Variants in LDLRAD3 observed in about 807,000 individuals in gnomAD.
LDLRAD3 encodes low density lipoprotein receptor class A domain containing 3.
In LDLRAD3, 20 loss-of-function variants were observed where a neutral mutation model predicts 29.4. The ratio of observed to expected loss-of-function variants is 0.68; its 90% confidence interval spans 0.48 to 0.99. The LOEUF is 0.99. Ranked by LOEUF, LDLRAD3 falls within the 50% of genes least tolerant of loss-of-function variation. The pLI is 0.00. For synonymous variants in LDLRAD3, 157 were observed against 192.7 expected, an observed-to-expected ratio of 0.81 and a Z score of 1.53; for missense variants, 420 against 454.3, an observed-to-expected ratio of 0.92 and a Z score of 0.69.
chr11:36,036,170 C>CA lies in LDLRAD3; in HGVS notation c.116dup (p.Asn39LysfsTer12). On this transcript the variant is annotated frameshift_variant, in exon 2 of 6. Transcript: ENST00000315571. LOFTEE classifies it high-confidence loss of function. ...ACATACCAGGCAACTTCATGTGCAG[C>CA]AATGGACGGTGCATCCCGGGCGCCT... is the stretch of plus-strand genomic sequence containing the variant. The CA allele has an allele frequency of 5.0e-6, 8 of 1,614,182 alleles. No individual in the cohort carries two copies. The highest frequency in any genetic ancestry group is 6.8e-6 in the Non-Finnish European group (8 of 1,180,026).
At chr11:36,008,060 G>A (rs1043703970) in intron 1 of LDLRAD3, among the ~76,000 whole-genome samples, 1 of 152,154 alleles carries the variant, frequency 6.6e-6, no homozygotes, top group African/African-American at 2.4e-5. Flanking sequence ...GAGCAAATGA[G>A]TCTTTTGATT....
rs571905943 is a variant in LDLRAD3, at chr11:36,114,322, G to A, written c.454+15861G>A. Among the ~76,000 whole-genome samples the A allele has an allele frequency of 3.3e-5, 5 of 152,318 alleles. No individual in the cohort carries two copies. The South Asian group carries it at 1.0e-3, about 32-fold the overall frequency. On this transcript the variant is annotated intron_variant, in intron 4 of 5. Coordinates refer to ENST00000315571, the MANE Select transcript of LDLRAD3 (RefSeq NM_174902.4). The stretch of plus-strand genomic sequence containing the variant: ...TGCAACACTGTGCGGTGCCAACCGG[G>A]AGAAATCTGCCTATCGGGGCTGAGA...
At chr11:36,187,308 G>A (rs1231484294) in intron 4 of LDLRAD3, among the ~76,000 whole-genome samples, 4 of 152,094 alleles carry the variant, frequency 2.6e-5, no homozygotes, top group African/African-American at 9.7e-5. Flanking sequence ...GCATGATTTG[G>A]TGAAAATGCA....
At chr11:36,225,119 C>G (rs1284584449) in intron 4 of LDLRAD3, among the ~76,000 whole-genome samples, 1 of 152,164 alleles carries the variant, frequency 6.6e-6, no homozygotes, top group Non-Finnish European at 1.5e-5. Flanking sequence ...AAGCCCTTAG[C>G]CGATGCCAGG....
intron 1 of LDLRAD3, among the ~76,000 whole-genome samples, chr11:35,990,534 C>T (rs1851674891): frequency 6.6e-6 from 1 of 152,032 alleles, no homozygotes; most frequent in Non-Finnish European, 1.5e-5. Flanking sequence ...TCTCCTGCCT[C>T]AGCTTCCTGA....
At chr11:36,122,069 C>G (rs1216768709) in intron 4 of LDLRAD3, among the ~76,000 whole-genome samples, 1 of 152,166 alleles carries the variant, frequency 6.6e-6, no homozygotes, top group Non-Finnish European at 1.5e-5. Flanking sequence ...ATGGCAGAGC[C>G]AGGATTCGAA....
At chr11:36,088,473 T>C (rs917938527) in intron 3 of LDLRAD3, among the ~76,000 whole-genome samples, 4 of 152,150 alleles carry the variant, frequency 2.6e-5, no homozygotes, top group Non-Finnish European at 4.4e-5. Context: ...CTGGACTGTA[T>C]CTCTCCACTG....
chr11:35,996,108 G>A (rs953240286), intron 1 of LDLRAD3, among the ~76,000 whole-genome samples: 5 of 152,194 alleles, frequency 3.3e-5, no homozygotes, highest in Non-Finnish European at 5.9e-5. Flanking sequence ...GGCCCAAGAG[G>A]CCTGGCTTTC....
At chr11:36,054,824 G>C (rs1852584825) in intron 2 of LDLRAD3, among the ~76,000 whole-genome samples, 1 of 135,790 alleles carries the variant, frequency 7.4e-6, no homozygotes, top group South Asian at 2.6e-4. Context: ...TGGATGGATA[G>C]GTGGATGGAT....
chr11:36,047,390 C>T (rs554016318), intron 2 of LDLRAD3, among the ~76,000 whole-genome samples: 12 of 152,274 alleles, frequency 7.9e-5, no homozygotes, highest in African/African-American at 2.4e-4. Context: ...TTCCGAGACA[C>T]ACATTTTTTC....
chr11:36,085,557 G>A (rs764133266), intron 3 of LDLRAD3, among the ~76,000 whole-genome samples: 6 of 152,024 alleles, frequency 3.9e-5, no homozygotes, highest in Non-Finnish European at 8.8e-5. Context: ...TGACAACAAT[G>A]TTAGATCTGT....
intron 4 of LDLRAD3, among the ~76,000 whole-genome samples, chr11:36,181,550 TG>T (rs1854763745): frequency 6.6e-6 from 1 of 152,178 alleles, no homozygotes; most frequent in Non-Finnish European, 1.5e-5. Flanking sequence ...AGACCGTCCC[TG>T]GGAACAAGCA....
intron 4 of LDLRAD3, among the ~76,000 whole-genome samples, chr11:36,145,729 C>T (rs147670229): frequency 0.033 from 5,040 of 150,920 alleles, 282 homozygotes; most frequent in African/African-American, 0.12. Flanking sequence ...CTCTCTGAAA[C>T]ATGTGCTGTG....
chr11:36,194,156 T>G (rs1177997764), intron 4 of LDLRAD3, among the ~76,000 whole-genome samples: 1 of 151,924 alleles, frequency 6.6e-6, no homozygotes, highest in East Asian at 1.9e-4. Flanking sequence ...AGGGCCCGGA[T>G]GTTTTGTCTG....
intron 2 of LDLRAD3, among the ~76,000 whole-genome samples, chr11:36,061,978 T>TA (rs571129020): frequency 1.9e-3 from 275 of 143,702 alleles, no homozygotes; most frequent in Middle Eastern, 3.6e-3. Flanking sequence ...TTTGGGAACT[T>TA]AAAAAAAAAA....
At position 36,214,463 on chromosome 11, in the gene LDLRAD3, G is replaced by A. The variant is rs190369043; in HGVS notation, c.455-12622G>A. Among the ~76,000 whole-genome samples the A allele has an allele frequency of 2.4e-4, 37 of 152,334 alleles. 1 individual carries two copies. The highest frequency in any genetic ancestry group is 3.5e-4 in the Non-Finnish European group (24 of 68,028). ...GTTACATTGATCCCACCTCATTTGT[G>A]AGAAGGAAGATTCTAGAAGGATGAG... is the stretch of plus-strand genomic sequence containing the variant. On this transcript the variant is annotated intron_variant, in intron 4 of 5. Transcript: ENST00000315571.
chr11:36,033,932 G>A (rs1172347471), intron 1 of LDLRAD3, among the ~76,000 whole-genome samples: 1 of 152,200 alleles, frequency 6.6e-6, no homozygotes, highest in Non-Finnish European at 1.5e-5. Flanking sequence ...AGAAATTGCA[G>A]CAGAATAGGA....
chr11:36,150,410 C>T (rs1854261221), intron 4 of LDLRAD3, among the ~76,000 whole-genome samples: 1 of 152,068 alleles, frequency 6.6e-6, no homozygotes, highest in South Asian at 2.1e-4. Context: ...CGCCTGTAGT[C>T]CCAGCTACCC....
intron 1 of LDLRAD3, among the ~76,000 whole-genome samples, chr11:35,995,356 A>T (rs1851740816): frequency 6.6e-6 from 1 of 152,230 alleles, no homozygotes; most frequent in Non-Finnish European, 1.5e-5. Flanking sequence ...TTTGAAAGGA[A>T]TCTTTTCCTG....
Sources: allele counts gnomAD v4.1 joint callset (sites outside exome capture counted in the v4.1 genomes callset), GRCh38; gene constraint gnomAD v4.1.1; transcripts MANE v1.5; gene names NCBI Gene and HGNC (gene_info 2026-07-23, HGNC 2026-07-21).